TCF21: variants seen among roughly 807,000 people sequenced by gnomAD.
TCF21 encodes capsulin.
Under a neutral mutation model 13.5 loss-of-function variants are expected in TCF21, and 3 were observed. The observed-to-expected ratio is 0.22, with a 90% CI of 0.10 to 0.57. The LOEUF (loss-of-function observed/expected upper bound fraction) is 0.57, where lower values mean the gene tolerates loss of function less well. TCF21 is among the 20% of genes least tolerant of loss of function. The pLI, the probability that TCF21 is intolerant of heterozygous loss-of-function variation, is 0.92. For synonymous variants in TCF21, 92 were observed against 101.7 expected (o/e 0.90, Z 0.57); for missense variants, 181 against 238.4 (o/e 0.76, Z 1.59).
chr6:133,889,455 T>C lies in TCF21; in HGVS notation c.58T>C (p.Cys20Arg). The C allele has an allele frequency of 6.2e-7, 1 of 1,614,038 alleles. No individual in the cohort carries two copies. Among genetic ancestry groups the C allele is most frequent in the African/African-American group, 1.3e-5 (1 of 75,004 alleles). Reference protein sequence around the residue: ...EDLQEVEMLECDGLKMDSNKE... With the variant: ...EDLQEVEMLERDGLKMDSNKE... Reference sequence around the variant, plus strand: ...CCTTCAAGAGGTGGAGATGTTGGAATGTGACGGGTTGAAAATGGATTCGAA... The same window carrying C: ...CCTTCAAGAGGTGGAGATGTTGGAACGTGACGGGTTGAAAATGGATTCGAA... The change falls in exon 1 of 2, where the codon TGT becomes CGT. Residue 20 changes from cysteine to arginine, a missense_variant. By Grantham distance (180) the Cys-to-Arg change is radical. Transcript: ENST00000367882. This position sits in a 1 kb window ranked among gnomAD's most constrained non-coding sequence, Gnocchi z 5.1.
At chr6:133,893,911 A>T (rs1166476286), downstream of TCF21, 1 of 152,184 alleles carries the variant, frequency 6.6e-6, no homozygotes, top group Non-Finnish European at 1.5e-5. Context: ...AAGAGCCTGG[A>T]TCCTCAGTTT....
At chr6:133,893,985 C>G (rs182599120), downstream of TCF21, 3 of 152,256 alleles carry the variant, frequency 2.0e-5, no homozygotes, top group Non-Finnish European at 2.9e-5. Flanking sequence ...TGCAGACCTT[C>G]CTCTTTCATC....
chr6:133,892,984 C>CGGCGG (rs983762366), downstream of TCF21: 52 of 152,396 alleles, frequency 3.4e-4, no homozygotes, highest in African/African-American at 1.2e-3. Context: ...GCGCAGCCCG[C>CGGCGG]GGCGGCCGAT....
rs1775224943 is a variant in TCF21 at position 133,891,870 on chromosome 6, C to T, written c.*68C>T. ...GCGGGCCCCGGGAAGGCGACCCCTG[C>T]CCTCAGTGCTCTCTGTCTCTGCTTC... On this transcript the variant is annotated 3_prime_UTR_variant, in exon 2 of 2. Coordinates refer to ENST00000367882, the MANE Select transcript of TCF21 (RefSeq NM_003206.4). 2.6e-6 allele frequency: 4 copies of T among 1,516,208 alleles called. No individual in the cohort carries two copies. 93.9% of individuals were successfully genotyped at this position (1,516,208 alleles called of 1,614,324 possible). A position where few individuals can be genotyped will look rare whatever the true frequency, so the allele number is the denominator to read the frequency against.
At chr6:133,891,303 C>G (rs1199950835) in intron 1 of TCF21, among the ~76,000 whole-genome samples, 2 of 152,230 alleles carry the variant, frequency 1.3e-5, no homozygotes, top group Non-Finnish European at 2.9e-5. Context: ...CGCTTCGCCC[C>G]GAACTCGGTG....
chr6:133,889,813 A>G lies in TCF21; in HGVS notation c.416A>G (p.Lys139Arg), dbSNP rs755640668. The G allele has an allele frequency of 5.0e-6, 8 of 1,612,876 alleles. No individual in the cohort carries two copies. The African/African-American group carries it at 6.7e-5, about 13-fold the overall frequency. The change falls in exon 1 of 2, where the codon AAA becomes AGA. Residue 139 changes from lysine (K) to arginine (R), a missense_variant. By Grantham distance (26) the Lys-to-Arg change is conservative. Transcript: ENST00000367882. This position sits in a 1 kb window ranked among gnomAD's most constrained non-coding sequence, Gnocchi z 5.1. ...TTGAGGCAGATCCTGGCTAACGACA[A>G]ATACGAGAACGGGTACATTCACCCG... ...AHLRQILAND[K>R]YENGYIHPVN...
At position 133,891,537 on chromosome 6, in the gene TCF21, A is replaced by T. The variant is rs1006290352; in HGVS notation, c.451-176A>T. 1.9e-5 allele frequency: 13 copies of T among 698,184 alleles called. No individual in the cohort carries two copies. The South Asian group carries it at 2.2e-4, about 12-fold the overall frequency. 43.2% of individuals were successfully genotyped at this position (698,184 alleles called of 1,614,324 possible). Reference sequence around the variant, plus strand: ...GCTGTGACTTGGCGCCAAAGCAGCTATTTGCTTTATGCAGCCGCAGGGTGC... The same window carrying T: ...GCTGTGACTTGGCGCCAAAGCAGCTTTTTGCTTTATGCAGCCGCAGGGTGC... On this transcript the variant is annotated intron_variant, in intron 1 of 1. Coordinates refer to ENST00000367882, the MANE Select transcript of TCF21 (RefSeq NM_003206.4).
At chr6:133,891,608 C>T (rs1168551739) in intron 1 of TCF21, 105 bp from the exon 2 acceptor site, 4 of 1,203,944 alleles carry the variant, frequency 3.3e-6, no homozygotes, top group Non-Finnish European at 4.8e-6. Flanking sequence ...CTCTCCAGAG[C>T]ACCGCCTGCC....
chr6:133,893,077 A>G (rs1191935723), downstream of TCF21: 1 of 152,228 alleles, frequency 6.6e-6, no homozygotes, highest in Non-Finnish European at 1.5e-5. Context: ...TTATACTGTT[A>G]TTCCTCGCAG....
Position 133,889,760 on chromosome 6 carries a change from C to T in TCF21, c.363C>T (p.Leu121=), listed in dbSNP as rs765435439. 6.2e-6 allele frequency: 10 copies of T among 1,613,510 alleles called. No homozygotes were observed. Among genetic ancestry groups the T allele is most frequent in the Non-Finnish European group, 7.6e-6 (9 of 1,179,980 alleles). ...PDTKLSKLDT[L]RLASSYIAHL... is the part of the protein sequence containing the mutation. ...CCAAGCTCTCCAAGCTGGACACGCT[C>T]AGGCTGGCGTCCAGCTACATCGCCC... The change falls in exon 1 of 2, where the codon CTC becomes CTT. Residue 121 remains leucine (L), a synonymous_variant. Transcript: ENST00000367882. The surrounding 1 kb of genome is among the most constrained non-coding windows in gnomAD (Gnocchi z 5.1).
downstream of TCF21, chr6:133,894,191 T>C (rs1775266222): frequency 6.6e-6 from 1 of 152,232 alleles, no homozygotes; most frequent in African/African-American, 2.4e-5. Flanking sequence ...ATGATCTTTT[T>C]TTTTCCACGA....
chr6:133,890,652 A>C (rs1421898073), intron 1 of TCF21, among the ~76,000 whole-genome samples: 1 of 152,188 alleles, frequency 6.6e-6, no homozygotes, highest in African/African-American at 2.4e-5. Context: ...ATATATCTTA[A>C]TTTTTTTCAT....
Position 133,891,554 on chromosome 6 carries a change from G to T in TCF21, c.451-159G>T. Reference sequence around the variant, plus strand: ...AAGCAGCTATTTGCTTTATGCAGCCGCAGGGTGCGCTAGGACCGGGAGTAA... The same window carrying T: ...AAGCAGCTATTTGCTTTATGCAGCCTCAGGGTGCGCTAGGACCGGGAGTAA... On this transcript the variant is annotated intron_variant, in intron 1 of 1. Transcript: ENST00000367882. 2.2e-5 allele frequency: 17 copies of T among 778,658 alleles called. 1 individual carries two copies. In the South Asian group the frequency reaches 2.5e-4, roughly 11 times the overall value. 48.2% of individuals were successfully genotyped at this position (778,658 alleles called of 1,614,324 possible). A position where few individuals can be genotyped will look rare whatever the true frequency, so the allele number is the denominator to read the frequency against.
chr6:133,890,881 T>A (rs922117868), intron 1 of TCF21, among the ~76,000 whole-genome samples: 1 of 152,158 alleles, frequency 6.6e-6, no homozygotes, highest in Non-Finnish European at 1.5e-5. Context: ...CATTTTACCA[T>A]GAAAAATGTT....
In TCF21 at chr6:133,889,379, C is replaced by A. The variant is rs1173079890; in HGVS notation, c.-19C>A. 7 of 1,613,056 alleles carry A rather than the reference C, an allele frequency of 4.3e-6. No homozygotes were observed. The Admixed American group carries it at 1.2e-4, about 27-fold the overall frequency. On this transcript the variant is annotated 5_prime_UTR_variant, in exon 1 of 2. Coordinates refer to ENST00000367882, the MANE Select transcript of TCF21 (RefSeq NM_003206.4). The surrounding 1 kb of genome is among the most constrained non-coding windows in gnomAD (Gnocchi z 5.1). Reference sequence around the variant, plus strand: ...TCTCTGTCTCTCTCTCTCTCTCTCCCTCGTCCACTCCCCCAAACATGTCCA... The same window carrying A: ...TCTCTGTCTCTCTCTCTCTCTCTCCATCGTCCACTCCCCCAAACATGTCCA...
Position 133,891,876 on chromosome 6 carries a change from G to A in TCF21, c.*74G>A, listed in dbSNP as rs1281339559. On this transcript the variant is annotated 3_prime_UTR_variant, in exon 2 of 2. Transcript: ENST00000367882. ...CCCGGGAAGGCGACCCCTGCCCTCA[G>A]TGCTCTCTGTCTCTGCTTCCCCCTC... The A allele has an allele frequency of 2.0e-6, 3 of 1,490,094 alleles. No individual in the cohort carries two copies. Among genetic ancestry groups the A allele is most frequent in the Non-Finnish European group, 2.8e-6 (3 of 1,080,276 alleles). The allele number at this position is 1,490,094 out of a possible 1,614,324, so 92.3% of individuals were successfully genotyped here.
rs759910167 is a variant in TCF21, at chr6:133,889,558, G to A, written c.161G>A (p.Gly54Asp). ...AATGGGTCTCCCCAGAAGGGCCGCG[G>A]CGGCCTGGGCAAGAGGAGGAAGGCG... Reference protein sequence around the residue: ...CENGSPQKGRGGLGKRRKAPT... With the variant: ...CENGSPQKGRDGLGKRRKAPT... The change falls in exon 1 of 2, where the codon GGC becomes GAC. Residue 54 changes from glycine to aspartate, a missense_variant. By Grantham distance (94) the Gly-to-Asp change is moderately conservative. This residue lies in a region of TCF21 where 91 missense variants were observed against 98.5 expected (regional missense o/e 0.92). Coordinates refer to ENST00000367882, the MANE Select transcript of TCF21 (RefSeq NM_003206.4). The surrounding 1 kb of genome is among the most constrained non-coding windows in gnomAD (Gnocchi z 5.1). The A allele has an allele frequency of 6.2e-7, 1 of 1,613,958 alleles. No homozygotes were observed. The highest frequency in any genetic ancestry group is 1.1e-5 in the South Asian group (1 of 91,064).
chr6:133,893,926 A>G (rs1775261733), downstream of TCF21: 2 of 152,184 alleles, frequency 1.3e-5, no homozygotes, highest in South Asian at 4.1e-4. Context: ...CAGTTTTCCC[A>G]TCTCTGCAAG....
rs200552219 is a variant in TCF21 at position 133,889,355 on chromosome 6, C to G, written c.-43C>G. 1.3e-6 allele frequency: 2 copies of G among 1,543,376 alleles called. No homozygotes were observed. Among genetic ancestry groups the G allele is most frequent in the African/African-American group, 1.4e-5 (1 of 70,554 alleles). On this transcript the variant is annotated 5_prime_UTR_variant, in exon 1 of 2. Coordinates refer to ENST00000367882, the MANE Select transcript of TCF21 (RefSeq NM_003206.4). The surrounding 1 kb of genome is among the most constrained non-coding windows in gnomAD (Gnocchi z 5.1). The stretch of plus-strand genomic sequence containing the variant: ...ACCCTCTTCCTCGCTTTCTCTGTCT[C>G]TCTGTCTCTCTCTCTCTCTCTCCCT...
Sources: gnomAD v4.1 joint callset for allele counts (sites outside exome capture counted in the v4.1 genomes callset) on GRCh38, gnomAD v4.1.1 for gene constraint, gnomAD v4.1.1 regional missense constraint, Gnocchi (gnomAD v3.1) non-coding constraint, MANE v1.5 for transcripts, NCBI Gene and HGNC (gene_info 2026-07-23, HGNC 2026-07-21) for gene names.